The following MYT1L variants were observed in gnomAD, a reference collection of about 807,000 sequenced individuals.
MYT1L encodes the protein myelin transcription factor 1-like protein.
MYT1L carries 12 observed loss-of-function variants against 126.7 expected under a neutral mutation model. The observed-to-expected ratio is 0.09, with a 90% CI of 0.06 to 0.15. The LOEUF (loss-of-function observed/expected upper bound fraction) is 0.15. Ranked by LOEUF, MYT1L falls within the 10% of genes least tolerant of loss-of-function variation. The probability of loss-of-function intolerance (pLI) is 1.00; values close to 1 mark genes in which losing one functional copy is unlikely to be tolerated. For missense variants in MYT1L, 979 were observed against 1,585.2 expected, an observed-to-expected ratio of 0.62 and a Z score of 6.49; for synonymous variants, 541 against 604.2, an observed-to-expected ratio of 0.90 and a Z score of 1.53.
intron 1 of MYT1L, among the ~76,000 whole-genome samples, chr2:2,287,100 T>C (rs915550486): frequency 6.6e-6 from 1 of 151,966 alleles, no homozygotes; most frequent in Non-Finnish European, 1.5e-5. Context: ...CTACTAAAAA[T>C]AGAAAATTAG....
At chr2:1,874,595 G>A (rs1021317159) in intron 18 of MYT1L, among the ~76,000 whole-genome samples, 3 of 152,162 alleles carry the variant, frequency 2.0e-5, no homozygotes, top group African/African-American at 4.8e-5. Context: ...CGGCTGGGCC[G>A]GATGTCCTTC....
At chr2:2,211,994 G>C (rs1015906328) in intron 2 of MYT1L, among the ~76,000 whole-genome samples, 1 of 151,966 alleles carries the variant, frequency 6.6e-6, no homozygotes, top group African/African-American at 2.4e-5. Flanking sequence ...ATACAGAGCA[G>C]AATGCCAAAT....
chr2:2,063,656 C>T (rs959755159), intron 3 of MYT1L, among the ~76,000 whole-genome samples: 3 of 152,124 alleles, frequency 2.0e-5, no homozygotes, highest in Non-Finnish European at 2.9e-5. Flanking sequence ...CCAGCTTGGC[C>T]AACATGATGA....
chr2:1,891,965 G>T, intron 15 of MYT1L, 72 bp downstream of exon 15: 7 of 1,443,614 alleles, frequency 4.8e-6, no homozygotes, highest in Non-Finnish European at 6.3e-6. Flanking sequence ...AGCGCCGCGT[G>T]TCTCGGTGGC....
intron 3 of MYT1L, among the ~76,000 whole-genome samples, chr2:2,127,673 C>T (rs911008309): frequency 6.6e-6 from 1 of 152,176 alleles, no homozygotes; most frequent in Admixed American, 6.5e-5. Flanking sequence ...ACGTCTGTGT[C>T]TGGACTGAGC....
At chr2:2,296,742 T>A (rs909965367) in intron 1 of MYT1L, among the ~76,000 whole-genome samples, 21 of 152,040 alleles carry the variant, frequency 1.4e-4, no homozygotes, top group Non-Finnish European at 8.8e-5. Flanking sequence ...CATGCGTCCC[T>A]CTAGTAAAGA....
chr2:2,131,380 A>G (rs1490823706), intron 3 of MYT1L, among the ~76,000 whole-genome samples: 1 of 152,224 alleles, frequency 6.6e-6, no homozygotes, highest in African/African-American at 2.4e-5. Flanking sequence ...AGGCAACACA[A>G]GCATATTCAT....
intron 5 of MYT1L, among the ~76,000 whole-genome samples, chr2:1,981,316 C>T (rs972249634): frequency 6.6e-6 from 1 of 151,954 alleles, no homozygotes; most frequent in Non-Finnish European, 1.5e-5. Flanking sequence ...AATGATGTGC[C>T]AGATTTAATA....
Position 1,792,251 on chromosome 2 carries a change from A to G in MYT1L, c.3420+70T>C, listed in dbSNP as rs1275119361. 4 of 1,481,006 alleles carry G rather than the reference A, an allele frequency of 2.7e-6. No individual in the cohort carries two copies. In the South Asian group the frequency reaches 5.3e-5, roughly 20 times the overall value. The allele number at this position is 1,481,006 out of a possible 1,614,324, so 91.7% of individuals were successfully genotyped here. A position where few individuals can be genotyped will look rare whatever the true frequency, so the allele number is the denominator to read the frequency against. ...GAAGAACCATGAAAATAACGATAAAAACGGCATCTACTTTAGGCTGTGCGC... is the reference window on the plus strand; with the variant it reads ...GAAGAACCATGAAAATAACGATAAAGACGGCATCTACTTTAGGCTGTGCGC... On this transcript the variant is annotated intron_variant, in intron 24 of 24. Coordinates refer to ENST00000647738, the MANE Select transcript of MYT1L (RefSeq NM_001303052.2).
At chr2:2,209,053 G>A (rs57190542) in intron 2 of MYT1L, among the ~76,000 whole-genome samples, 4,115 of 151,878 alleles carry the variant, frequency 0.027, 174 homozygotes, top group African/African-American at 0.093. Context: ...CCACTGAAAT[G>A]ACTCATTCTG....
chr2:2,068,769 GTTTTT>G (rs55838351), intron 3 of MYT1L, among the ~76,000 whole-genome samples: 31 of 26,190 alleles, frequency 1.2e-3, no homozygotes, highest in African/African-American at 3.3e-3. Context: ...TGTTCTTCTT[GTTTTT>G]TTTTTTTTTT....
chr2:1,887,733 T>A lies in MYT1L; in HGVS notation c.2521-124A>T, dbSNP rs2048333750. ...ACCTCTTTCTGCTGTACCTTTAAGA[T>A]CCTTTTGGTCCTGATAACGCCCCTA... On this transcript the variant is annotated intron_variant, in intron 16 of 24. Transcript: ENST00000647738. The surrounding 1 kb of genome is among the most constrained non-coding windows in gnomAD (Gnocchi z 4.8). 3 of 1,152,968 alleles carry A rather than the reference T, an allele frequency of 2.6e-6. No individual in the cohort carries two copies. The highest frequency in any genetic ancestry group is 2.1e-5 in the Admixed American group (1 of 48,020). The allele number at this position is 1,152,968 out of a possible 1,614,324, so 71.4% of individuals were successfully genotyped here. A position where few individuals can be genotyped will look rare whatever the true frequency, so the allele number is the denominator to read the frequency against.
intron 21 of MYT1L, chr2:1,828,516 G>A (rs186300693): frequency 1.3e-5 from 2 of 152,164 alleles, no homozygotes; most frequent in Non-Finnish European, 2.9e-5. Flanking sequence ...AAAGTGTGTC[G>A]AAGGTGCCAG....
chr2:2,281,837 C>G (rs1196715435), intron 2 of MYT1L, among the ~76,000 whole-genome samples: 1 of 152,154 alleles, frequency 6.6e-6, no homozygotes, highest in African/African-American at 2.4e-5. Context: ...TTGACACAAT[C>G]CAACAATGGA....
chr2:1,928,461 G>GGTGTAGCA (rs1315041785), intron 9 of MYT1L, among the ~76,000 whole-genome samples: 2 of 152,034 alleles, frequency 1.3e-5, no homozygotes, highest in Middle Eastern at 3.2e-3. Context: ...TGGAGTTCTG[G>GGTGTAGCA]GTGTAGCACA....
At chr2:2,304,857 A>G (rs1052829846) in intron 1 of MYT1L, among the ~76,000 whole-genome samples, 4 of 152,246 alleles carry the variant, frequency 2.6e-5, no homozygotes, top group Admixed American at 2.6e-4. Context: ...TGGCATTAGG[A>G]AGAAACGATC....
At chr2:1,900,132 C>T (rs976797849) in intron 14 of MYT1L, among the ~76,000 whole-genome samples, 26 of 152,298 alleles carry the variant, frequency 1.7e-4, no homozygotes, top group African/African-American at 4.8e-4. Context: ...ATTCTTTGTG[C>T]ACCTGAAGCA....
At chr2:2,271,029 G>A (rs148249963) in intron 2 of MYT1L, among the ~76,000 whole-genome samples, 5 of 152,310 alleles carry the variant, frequency 3.3e-5, no homozygotes, top group East Asian at 3.9e-4. Context: ...GGAGCATGCC[G>A]CGGCCTTGCT....
Position 2,044,351 on chromosome 2 carries a change from A to G in MYT1L, c.-158+9627T>C, listed in dbSNP as rs1004313463. Among the ~76,000 whole-genome samples, 8 of 152,374 alleles carry G rather than the reference A, an allele frequency of 5.3e-5. No individual in the cohort carries two copies. In the East Asian group the frequency reaches 1.2e-3, roughly 22 times the overall value. Reference sequence around the variant, plus strand: ...TCTGAAGTTATCAAGATAAACTTTTATCAGCAGTTACATAAGCGTAAAGTT... The same window carrying G: ...TCTGAAGTTATCAAGATAAACTTTTGTCAGCAGTTACATAAGCGTAAAGTT... On this transcript the variant is annotated intron_variant, in intron 4 of 24. Coordinates refer to ENST00000647738, the MANE Select transcript of MYT1L (RefSeq NM_001303052.2).
Sources: allele counts gnomAD v4.1 joint callset (sites outside exome capture counted in the v4.1 genomes callset), GRCh38; gene constraint gnomAD v4.1.1; non-coding constraint Gnocchi (gnomAD v3.1); transcripts MANE v1.5; gene names NCBI Gene and HGNC (gene_info 2026-07-23, HGNC 2026-07-21).